Variants in WNT3A observed in about 807,000 individuals in gnomAD.
WNT3A encodes Wnt family member 3A.
In WNT3A, 17 loss-of-function variants were observed where a neutral mutation model predicts 37.0. The observed-to-expected ratio is 0.46, with a 90% CI of 0.31 to 0.69. The LOEUF (loss-of-function observed/expected upper bound fraction) is 0.69. Ranked by LOEUF, WNT3A falls within the 30% of genes least tolerant of loss-of-function variation. The pLI, the probability that WNT3A is intolerant of heterozygous loss-of-function variation, is 0.05. For synonymous variants in WNT3A, 187 were observed against 211.0 expected (o/e 0.89, Z 0.99); for missense variants, 411 against 510.2 (o/e 0.81, Z 1.87).
At chr1:228,035,392 G>A (rs1370211114) in intron 2 of WNT3A, among the ~76,000 whole-genome samples, 1 of 152,204 alleles carries the variant, frequency 6.6e-6, no homozygotes, top group Non-Finnish European at 1.5e-5. Context: ...CCCATGCCAA[G>A]GTTGGGGCTG....
rs780065621 is a variant in WNT3A at position 228,022,848 on chromosome 1, C to T, written c.253C>T (p.Arg85Trp). ...QECQHQFRGR[R>W]WNCTTVHDSL... ...GTGCCAGCACCAGTTCCGCGGCCGC[C>T]GGTGGAACTGCACCACCGTCCACGA... Residue 85 changes from arginine (R) to tryptophan (W), a missense_variant, in exon 2 of 4, where the codon CGG (arginine) becomes TGG (tryptophan). Coordinates refer to ENST00000284523, the MANE Select transcript of WNT3A (RefSeq NM_033131.4). 3.7e-6 allele frequency: 6 copies of T among 1,613,938 alleles called. No individual in the cohort carries two copies. Among genetic ancestry groups the T allele is most frequent in the Non-Finnish European group, 2.5e-6 (3 of 1,179,990 alleles).
chr1:228,057,766 A>G (rs1354091981), intron 3 of WNT3A, among the ~76,000 whole-genome samples: 1 of 152,208 alleles, frequency 6.6e-6, no homozygotes, highest in African/African-American at 2.4e-5. Flanking sequence ...AAATGACACA[A>G]AGATCATTAT....
At chr1:228,029,469 C>G (rs1019702736) in intron 2 of WNT3A, among the ~76,000 whole-genome samples, 1 of 152,300 alleles carries the variant, frequency 6.6e-6, no homozygotes, top group Admixed American at 6.5e-5. Context: ...CTTTGGAGAC[C>G]ATGGTGCCGA....
intron 3 of WNT3A, among the ~76,000 whole-genome samples, chr1:228,054,627 C>CAAAA (rs61497242): frequency 0.011 from 658 of 58,472 alleles, 8 homozygotes; most frequent in African/African-American, 0.039. Flanking sequence ...GACTCTGTCT[C>CAAAA]AAAAAAAAAA....
intron 2 of WNT3A, among the ~76,000 whole-genome samples, chr1:228,034,861 G>A (rs183397258): frequency 2.0e-5 from 3 of 152,260 alleles, no homozygotes; most frequent in African/African-American, 4.8e-5. Context: ...TGCTTTCTGG[G>A]AGAAACTCCC....
chr1:228,015,211 T>A (rs2030490785), intron 1 of WNT3A, among the ~76,000 whole-genome samples: 1 of 152,162 alleles, frequency 6.6e-6, no homozygotes, highest in South Asian at 2.1e-4. Flanking sequence ...TTCCACTAGG[T>A]CTTGTGGTGC....
intron 1 of WNT3A, among the ~76,000 whole-genome samples, chr1:228,020,716 A>G (rs989340482): frequency 2.0e-5 from 3 of 152,198 alleles, no homozygotes; most frequent in African/African-American, 7.2e-5. Context: ...TGAATAAAGA[A>G]GTGAACAAGG....
chr1:228,022,713 A>G lies in WNT3A; in HGVS notation c.118A>G (p.Ile40Val). 6.2e-7 allele frequency: 1 copy of G among 1,614,134 alleles called. No homozygotes were observed. ...PQYSSLGSQP[I>V]LCASIPGLVP... Reference sequence around the variant, plus strand: ...GTATTCCTCCCTGGGCTCGCAGCCCATCCTGTGTGCCAGCATCCCGGGCCT... The same window carrying G: ...GTATTCCTCCCTGGGCTCGCAGCCCGTCCTGTGTGCCAGCATCCCGGGCCT... The change falls in exon 2 of 4, where the codon ATC (isoleucine) becomes GTC (valine). Residue 40 changes from isoleucine (I) to valine (V), a missense_variant. Ile to Val is a conservative substitution (Grantham distance 29). Transcript: ENST00000284523.
In WNT3A at chr1:228,050,653, C is replaced by A; in HGVS notation, c.314-3C>A. On this transcript the variant is annotated splice_polypyrimidine_tract_variant and splice_region_variant and intron_variant, in intron 2 of 3. Transcript: ENST00000284523. This position sits in a 1 kb window ranked among gnomAD's most constrained non-coding sequence, Gnocchi z 5.0. ...TAACCCTGCATCTCTCCTCTCTCTA[C>A]AGCTACCAGGGAGTCGGCCTTTGTC... The A allele has an allele frequency of 6.3e-7, 1 of 1,594,702 alleles. No individual in the cohort carries two copies. Among genetic ancestry groups the A allele is most frequent in the Non-Finnish European group, 8.6e-7 (1 of 1,167,770 alleles).
At chr1:228,035,604 C>T (rs187886470) in intron 2 of WNT3A, among the ~76,000 whole-genome samples, 42 of 152,334 alleles carry the variant, frequency 2.8e-4, no homozygotes, top group African/African-American at 9.9e-4. Context: ...TGGATCTGAG[C>T]GGTCACTGAG....
chr1:228,038,242 TG>T lies in WNT3A; in HGVS notation c.314-12411del, dbSNP rs2031189445. 6.6e-6 allele frequency among the ~76,000 whole-genome samples: 1 copy of T among 151,800 alleles called. No homozygotes were observed. The highest frequency in any genetic ancestry group is 1.5e-5 in the Non-Finnish European group (1 of 67,906). ...CTGGGGCCGCAGGAATGAGGGAAGGTGGGCAGCCCCCGAGGGGAGGCGCCCG... is the reference window on the plus strand; with the variant it reads ...CTGGGGCCGCAGGAATGAGGGAAGGTGGCAGCCCCCGAGGGGAGGCGCCCG... On this transcript the variant is annotated intron_variant, in intron 2 of 3. Transcript: ENST00000284523. The surrounding 1 kb of genome is among the most constrained non-coding windows in gnomAD (Gnocchi z 5.7).
rs147521120 is a variant in WNT3A at position 228,020,167 on chromosome 1, G to T, written c.72-2500G>T. Among the ~76,000 whole-genome samples the T allele has an allele frequency of 2.2e-3, 341 of 152,338 alleles. 1 individual carries two copies. Among genetic ancestry groups the T allele is most frequent in the Middle Eastern group, 0.01 (3 of 294 alleles). ...TGAGCCAAGAGGGGGAGGTTGCAGT[G>T]AGCTGAGATCACACCACTGCACTCC... On this transcript the variant is annotated intron_variant, in intron 1 of 3. Coordinates refer to ENST00000284523, the MANE Select transcript of WNT3A (RefSeq NM_033131.4).
chr1:228,018,143 G>A (rs888842790), intron 1 of WNT3A, among the ~76,000 whole-genome samples: 9 of 152,248 alleles, frequency 5.9e-5, no homozygotes, highest in East Asian at 3.9e-4. Context: ...ACTCGATCTC[G>A]AAGACGGGGT....
Position 228,042,453 on chromosome 1 carries a change from ATGATGGATGAATGG to A in WNT3A, c.314-8179_314-8166del, listed in dbSNP as rs200174458. On this transcript the variant is annotated intron_variant, in intron 2 of 3. Transcript: ENST00000284523. The surrounding 1 kb of genome is among the most constrained non-coding windows in gnomAD (Gnocchi z 5.2). ...AGATGGATGAATGGATGATGGGTGG[ATGATGGATGAATGG>A]TGATGGATGAATGGTGATGGATGGA... Among the ~76,000 whole-genome samples the A allele has an allele frequency of 6.4e-4, 97 of 151,166 alleles. No homozygotes were observed. The South Asian group carries it at 0.019, about 29-fold the overall frequency.
At chr1:228,012,094 G>A (rs73110733) in intron 1 of WNT3A, among the ~76,000 whole-genome samples, 2,566 of 152,344 alleles carry the variant, frequency 0.017, 84 homozygotes, top group African/African-American at 0.057. Flanking sequence ...TTGTAGCAGG[G>A]AGAGCAGGAT....
rs1260882337 is a variant in WNT3A, at chr1:228,008,359, A to C, written c.71+1160A>C. Among the ~76,000 whole-genome samples, 2 of 152,168 alleles carry C rather than the reference A, an allele frequency of 1.3e-5. No homozygotes were observed. Among genetic ancestry groups the C allele is most frequent in the Non-Finnish European group, 2.9e-5 (2 of 68,026 alleles). ...GGGGAGACCCAGCGAGCCGAGGTAC[A>C]TCTAATCCGATAATAATTTTTCTCT... On this transcript the variant is annotated intron_variant, in intron 1 of 3. Transcript: ENST00000284523. The surrounding 1 kb of genome is among the most constrained non-coding windows in gnomAD (Gnocchi z 4.9).
intron 2 of WNT3A, among the ~76,000 whole-genome samples, chr1:228,034,404 A>G (rs1003942238): frequency 1.3e-5 from 2 of 152,212 alleles, no homozygotes; most frequent in African/African-American, 2.4e-5. Context: ...CTTTCTACGT[A>G]TAAGATAGTT....
chr1:228,014,773 T>C (rs1323916925), intron 1 of WNT3A, among the ~76,000 whole-genome samples: 2 of 152,232 alleles, frequency 1.3e-5, no homozygotes, highest in Non-Finnish European at 2.9e-5. Flanking sequence ...CTTCTTCCCC[T>C]GCATGTCACA....
chr1:228,027,247 G>A (rs1365905544), intron 2 of WNT3A, among the ~76,000 whole-genome samples: 1 of 152,248 alleles, frequency 6.6e-6, no homozygotes, highest in African/African-American at 2.4e-5. Context: ...ATGTGTGCAA[G>A]TGTCTTCTTC....
Sources: allele counts gnomAD v4.1 joint callset (sites outside exome capture counted in the v4.1 genomes callset), GRCh38; gene constraint gnomAD v4.1.1; non-coding constraint Gnocchi (gnomAD v3.1); transcripts MANE v1.5; gene names NCBI Gene and HGNC (gene_info 2026-07-23, HGNC 2026-07-21).